The following ARK2C variants were observed in gnomAD, a reference collection of about 807,000 sequenced individuals.
ARK2C encodes arkadia (RNF111) C-terminal like ring finger ubiquitin ligase 2C.
chr18:46,396,745 A>C, the ARK2C span, among the ~76,000 whole-genome samples: 15 of 152,340 alleles, frequency 9.8e-5, no homozygotes, highest in South Asian at 3.1e-3. Context: ...AAGGGACACC[A>C]GCAGCCTTCA....
chr18:46,460,530 AATT>A, the ARK2C span: 1 of 152,464 alleles, frequency 6.6e-6, no homozygotes, highest in Non-Finnish European at 1.5e-5. Flanking sequence ...TTGCATTTTT[AATT>A]ATAATTTATT....
the ARK2C span, among the ~76,000 whole-genome samples, chr18:46,411,990 A>G: frequency 6.6e-6 from 1 of 152,232 alleles, no homozygotes; most frequent in Non-Finnish European, 1.5e-5. Flanking sequence ...TCTTGTCAGC[A>G]GAGTAATTGG....
the ARK2C span, chr18:46,336,906 A>G: frequency 3.0e-6 from 3 of 985,308 alleles, no homozygotes. Context: ...TGATGAAATG[A>G]CAGTTGCTGC....
the ARK2C span, chr18:46,463,102 AT>A: frequency 1.3e-5 from 2 of 152,224 alleles, no homozygotes; most frequent in Non-Finnish European, 2.9e-5. Flanking sequence ...TTTGTACTTT[AT>A]TTATAACTAA....
At chr18:46,387,023 A>C in the ARK2C span, 1 of 152,214 alleles carries the variant, frequency 6.6e-6, no homozygotes, top group African/African-American at 2.4e-5. Context: ...CTTCTAATTC[A>C]TTCCTCACAC....
chr18:46,344,972 G>A, the ARK2C span, among the ~76,000 whole-genome samples: 1 of 152,230 alleles, frequency 6.6e-6, no homozygotes, highest in Non-Finnish European at 1.5e-5. Context: ...CAGGACGGAG[G>A]GGGACATCAG....
the ARK2C span, among the ~76,000 whole-genome samples, chr18:46,442,212 TTTTATTTCACTGA>T: frequency 1.2e-4 from 18 of 152,290 alleles, no homozygotes; most frequent in South Asian, 4.1e-4. Flanking sequence ...ATTACTTGTT[TTTTATTTCACTGA>T]TTTATTTCAC....
chr18:46,358,154 A>C, the ARK2C span, among the ~76,000 whole-genome samples: 7 of 152,136 alleles, frequency 4.6e-5, no homozygotes, highest in Admixed American at 3.3e-4. Context: ...AGGGGGCACA[A>C]CTCAAACCAC....
At chr18:46,336,183 A>G in the ARK2C span, 7 of 985,318 alleles carry the variant, frequency 7.1e-6, no homozygotes, top group African/African-American at 8.7e-5. Context: ...GGAACATTAC[A>G]CTAGGCAGAA....
At chr18:46,406,386 G>A in the ARK2C span, among the ~76,000 whole-genome samples, 2 of 152,224 alleles carry the variant, frequency 1.3e-5, no homozygotes, top group East Asian at 3.9e-4. Context: ...GTGCTGGCCG[G>A]GGCTGGCCAG....
chr18:46,373,754 T>C, the ARK2C span, among the ~76,000 whole-genome samples: 7 of 152,134 alleles, frequency 4.6e-5, no homozygotes, highest in Non-Finnish European at 1.0e-4. Context: ...GGAATTGTTA[T>C]CTGAATCTTA....
the ARK2C span, among the ~76,000 whole-genome samples, chr18:46,391,419 T>C: frequency 1.3e-5 from 2 of 152,158 alleles, no homozygotes; most frequent in African/African-American, 4.8e-5. Flanking sequence ...GCTCACTGTA[T>C]GCTCTCAGAT....
At chr18:46,410,269 T>C in the ARK2C span, among the ~76,000 whole-genome samples, 11 of 152,350 alleles carry the variant, frequency 7.2e-5, no homozygotes, top group African/African-American at 2.6e-4. Flanking sequence ...CTTTTCTGCT[T>C]TCCAGCTATC....
At chr18:46,380,578 T>C in the ARK2C span, among the ~76,000 whole-genome samples, 1 of 152,192 alleles carries the variant, frequency 6.6e-6, no homozygotes, top group African/African-American at 2.4e-5. Context: ...GCTTCATCCT[T>C]CAGAAGCTGC....
At chr18:46,340,078 C>T in the ARK2C span, among the ~76,000 whole-genome samples, 1 of 152,340 alleles carries the variant, frequency 6.6e-6, no homozygotes, top group East Asian at 1.9e-4. Context: ...CAATCCTACT[C>T]CACAACTGTC....
chr18:46,372,559 G>T, the ARK2C span, among the ~76,000 whole-genome samples: 4 of 152,326 alleles, frequency 2.6e-5, no homozygotes, highest in Admixed American at 6.5e-5. Flanking sequence ...GGCCTGGAAG[G>T]GAGTGACACC....
chr18:46,400,269 G>T, the ARK2C span, among the ~76,000 whole-genome samples: 1 of 152,164 alleles, frequency 6.6e-6, no homozygotes, highest in East Asian at 1.9e-4. Flanking sequence ...TAGGCCTGGG[G>T]GACTCTCTTT....
chr18:46,407,095 T>C, the ARK2C span, among the ~76,000 whole-genome samples: 1 of 152,236 alleles, frequency 6.6e-6, no homozygotes, highest in African/African-American at 2.4e-5. Context: ...GTACTATAAA[T>C]TGCATCCTAC....
chr18:46,373,057 T>A, the ARK2C span, among the ~76,000 whole-genome samples: 4 of 152,232 alleles, frequency 2.6e-5, no homozygotes, highest in African/African-American at 9.6e-5. Flanking sequence ...TGTGCACACA[T>A]TGGAGGATGT....
Sources: allele counts gnomAD v4.1 joint callset (sites outside exome capture counted in the v4.1 genomes callset), GRCh38; gene constraint gnomAD v4.1.1; transcripts MANE v1.5; gene names NCBI Gene and HGNC (gene_info 2026-07-23, HGNC 2026-07-21).